The following DPYD variants were observed in gnomAD, a reference collection of about 807,000 sequenced individuals.
DPYD encodes dihydropyrimidine dehydrogenase.
In DPYD, 109 loss-of-function variants were observed where a neutral mutation model predicts 116.2. That is an observed-to-expected ratio of 0.94 (90% CI 0.80 to 1.10). The LOEUF (loss-of-function observed/expected upper bound fraction) is 1.10. Among genes scored for constraint, DPYD ranks in the 50% least tolerant of loss-of-function variants. The pLI, the probability that DPYD is intolerant of heterozygous loss-of-function variation, is 0.00. For missense variants in DPYD, 1,302 were observed against 1,254.5 expected (o/e 1.04, Z -0.57); for synonymous variants, 440 against 432.0 (o/e 1.02, Z -0.23).
rs1678003021 is a variant in DPYD, at chr1:97,476,984, T to G, written c.1741-26761A>C. 1.3e-5 allele frequency among the ~76,000 whole-genome samples: 2 copies of G among 152,192 alleles called. 1 individual carries two copies. The highest frequency in any genetic ancestry group is 4.1e-4 in the South Asian group (2 of 4,832). ...ACTGCTAATGATCATCTGAGCCTTC[T>G]GAGAGTCAAAACCTTTCTGCTGGTG... On this transcript the variant is annotated intron_variant, in intron 13 of 22. Coordinates refer to ENST00000370192, the MANE Select transcript of DPYD (RefSeq NM_000110.4).
chr1:97,102,205 G>A (rs1650745113), intron 20 of DPYD, among the ~76,000 whole-genome samples: 1 of 151,594 alleles, frequency 6.6e-6, no homozygotes, highest in South Asian at 2.1e-4. Flanking sequence ...TAATTTTTAT[G>A]AGAATGGCAG....
At chr1:97,688,638 T>C (rs1413519931) in intron 7 of DPYD, among the ~76,000 whole-genome samples, 1 of 152,008 alleles carries the variant, frequency 6.6e-6, no homozygotes. Flanking sequence ...AACTCTATTA[T>C]CAAAAATTCA....
At chr1:97,592,213 T>C (rs1038720821) in intron 10 of DPYD, among the ~76,000 whole-genome samples, 38 of 152,386 alleles carry the variant, frequency 2.5e-4, no homozygotes, top group Admixed American at 2.0e-3. Context: ...TAAATACATT[T>C]GGTTCTTGTT....
chr1:97,752,573 CT>C (rs1237814903), intron 3 of DPYD, among the ~76,000 whole-genome samples: 3 of 152,158 alleles, frequency 2.0e-5, no homozygotes, highest in Non-Finnish European at 4.4e-5. Context: ...ACAGCTACAG[CT>C]GCAACACCTG....
intron 3 of DPYD, among the ~76,000 whole-genome samples, chr1:97,787,852 A>T (rs527896269): frequency 1.3e-5 from 2 of 152,338 alleles, no homozygotes; most frequent in Non-Finnish European, 2.9e-5. Context: ...CAACATAAAG[A>T]TCACTCTACC....
chr1:97,212,839 A>G (rs1660126084), intron 19 of DPYD, among the ~76,000 whole-genome samples: 1 of 152,128 alleles, frequency 6.6e-6, no homozygotes, highest in African/African-American at 2.4e-5. Context: ...TCATATCACA[A>G]CTTGCCATCC....
At chr1:97,552,587 C>T (rs1651404231) in intron 11 of DPYD, among the ~76,000 whole-genome samples, 1 of 152,108 alleles carries the variant, frequency 6.6e-6, no homozygotes, top group South Asian at 2.1e-4. Context: ...ATTCATAATA[C>T]TCATGTATAC....
chr1:97,584,787 C>T (rs566860076), intron 10 of DPYD, among the ~76,000 whole-genome samples: 28 of 99,322 alleles, frequency 2.8e-4, no homozygotes, highest in African/African-American at 9.5e-4. Context: ...CATCACACAC[C>T]GGGGACTGTT....
intron 10 of DPYD, among the ~76,000 whole-genome samples, chr1:97,583,809 A>G (rs1192113756): frequency 1.3e-5 from 2 of 152,058 alleles, no homozygotes; most frequent in East Asian, 3.8e-4. Context: ...ATTCCAGTCT[A>G]TCATTGTTGG....
At chr1:97,581,111 C>T (rs1031027156) in intron 10 of DPYD, among the ~76,000 whole-genome samples, 1 of 151,786 alleles carries the variant, frequency 6.6e-6, no homozygotes, top group African/African-American at 2.4e-5. Flanking sequence ...CCAGACCATC[C>T]TGGCTAGCAC....
intron 12 of DPYD, among the ~76,000 whole-genome samples, chr1:97,524,020 T>TA (rs546183481): frequency 2.8e-4 from 40 of 142,862 alleles, no homozygotes; most frequent in East Asian, 1.0e-3. Context: ...TATTTTAAAC[T>TA]AAAAAAAAAA....
chr1:97,640,743 C>T (rs1181614778), intron 8 of DPYD, among the ~76,000 whole-genome samples: 1 of 152,122 alleles, frequency 6.6e-6, no homozygotes, highest in African/African-American at 2.4e-5. Flanking sequence ...TCCACAACTG[C>T]TACTGCCATG....
intron 18 of DPYD, among the ~76,000 whole-genome samples, chr1:97,286,363 C>G (rs1345897218): frequency 6.6e-6 from 1 of 152,130 alleles, no homozygotes; most frequent in Admixed American, 6.5e-5. Context: ...TTTTTTCTTT[C>G]ATTTCAATTT....
intron 3 of DPYD, among the ~76,000 whole-genome samples, chr1:97,772,573 T>C (rs1666200149): frequency 3.3e-5 from 5 of 152,196 alleles, no homozygotes; most frequent in Admixed American, 3.3e-4. Context: ...GCATTGTTTG[T>C]GTGTGCAGAT....
intron 10 of DPYD, among the ~76,000 whole-genome samples, chr1:97,584,051 T>C (rs1175648044): frequency 6.6e-6 from 1 of 152,216 alleles, no homozygotes; most frequent in African/African-American, 2.4e-5. Context: ...AGTGTTCCTA[T>C]TTCTCCACAT....
chr1:97,252,431 C>T (rs1520663), intron 18 of DPYD, among the ~76,000 whole-genome samples: 59,805 of 152,062 alleles, frequency 0.39, 11,937 homozygotes, highest in Middle Eastern at 0.46. Flanking sequence ...TTTCCACATT[C>T]GTAGATGCTC....
At chr1:97,465,973 T>C (rs1004169112) in intron 13 of DPYD, among the ~76,000 whole-genome samples, 1 of 152,146 alleles carries the variant, frequency 6.6e-6, no homozygotes, top group Non-Finnish European at 1.5e-5. Context: ...TGGTGATACA[T>C]GCCTGCAGTC....
chr1:97,162,386 T>G (rs1170928690), intron 20 of DPYD, among the ~76,000 whole-genome samples: 1 of 152,002 alleles, frequency 6.6e-6, no homozygotes, highest in Admixed American at 6.6e-5. Context: ...CACAATTGCT[T>G]CAAAGAGAAA....
intron 13 of DPYD, among the ~76,000 whole-genome samples, chr1:97,510,089 T>C (rs1647666298): frequency 6.6e-6 from 1 of 151,552 alleles, no homozygotes; most frequent in Non-Finnish European, 1.5e-5. Context: ...TCATTAGCCA[T>C]TTACAAAACA....
Sources: gnomAD v4.1 joint callset for allele counts (sites outside exome capture counted in the v4.1 genomes callset) on GRCh38, gnomAD v4.1.1 for gene constraint, MANE v1.5 for transcripts, NCBI Gene and HGNC (gene_info 2026-07-23, HGNC 2026-07-21) for gene names.